SV2C: variants seen among roughly 807,000 people sequenced by gnomAD.
SV2C encodes synaptic vesicle glycoprotein 2C, also known as solute carrier family 22 member B3.
In SV2C, 49 loss-of-function variants were observed where a neutral mutation model predicts 79.7. The observed-to-expected ratio is 0.61, with a 90% CI of 0.49 to 0.78. The LOEUF is 0.78. Among genes scored for constraint, SV2C ranks in the 30% least tolerant of loss-of-function variants. SV2C has a pLI of 0.00. For synonymous variants in SV2C, 334 were observed against 333.2 expected, an observed-to-expected ratio of 1.00 and a Z score of -0.03; for missense variants, 833 against 912.9, an observed-to-expected ratio of 0.91 and a Z score of 1.13.
intron 10 of SV2C, 99 bp downstream of exon 10, chr5:76,299,026 G>T: frequency 4.6e-6 from 6 of 1,309,540 alleles, no homozygotes; most frequent in Non-Finnish European, 6.1e-6. Context: ...TGCGGGAAGT[G>T]GATATTAAAG....
At chr5:75,921,833 A>T in the SV2C span, among the ~76,000 whole-genome samples, 1 of 151,166 alleles carries the variant, frequency 6.6e-6, no homozygotes, top group Non-Finnish European at 1.5e-5. Context: ...TTTTTTTTTT[A>T]AGCCTGTAAA....
chr5:76,314,858 T>C (rs1358248117), intron 12 of SV2C, among the ~76,000 whole-genome samples: 1 of 152,224 alleles, frequency 6.6e-6, no homozygotes, highest in Non-Finnish European at 1.5e-5. Context: ...TTCATGACCT[T>C]GGCCACAGAT....
At chr5:76,207,235 C>T (rs1454509228) in intron 3 of SV2C, among the ~76,000 whole-genome samples, 1 of 151,798 alleles carries the variant, frequency 6.6e-6, no homozygotes, top group Non-Finnish European at 1.5e-5. Flanking sequence ...GAGGGTCTGG[C>T]ATATCCTGAC....
chr5:75,990,572 T>C, the SV2C span, among the ~76,000 whole-genome samples: 1 of 151,958 alleles, frequency 6.6e-6, no homozygotes, highest in Non-Finnish European at 1.5e-5. Context: ...AGTTTATACC[T>C]GGGGTTTCAG....
the SV2C span, among the ~76,000 whole-genome samples, chr5:76,018,373 C>A: frequency 1.3e-5 from 2 of 152,032 alleles, no homozygotes; most frequent in East Asian, 1.9e-4. Context: ...TAATCACGGG[C>A]CTTTGTTTTC....
chr5:76,156,252 T>A (rs559961951), intron 2 of SV2C, among the ~76,000 whole-genome samples: 3 of 152,272 alleles, frequency 2.0e-5, no homozygotes, highest in South Asian at 4.1e-4. Flanking sequence ...TGAAACAGAA[T>A]CTTGCCAAAG....
At chr5:76,211,812 G>C (rs984901746) in intron 4 of SV2C, among the ~76,000 whole-genome samples, 1 of 152,128 alleles carries the variant, frequency 6.6e-6, no homozygotes, top group East Asian at 1.9e-4. Context: ...AACATGCTGA[G>C]TTACAAAATC....
chr5:76,227,951 C>A (rs1745302710), intron 4 of SV2C, among the ~76,000 whole-genome samples: 1 of 152,190 alleles, frequency 6.6e-6, no homozygotes, highest in Non-Finnish European at 1.5e-5. Flanking sequence ...AGCAGAATCG[C>A]AAATAGTTCT....
chr5:76,092,037 T>C lies in SV2C; in HGVS notation c.-102+8525T>C, dbSNP rs569214773. 5.3e-5 allele frequency among the ~76,000 whole-genome samples: 8 copies of C among 152,320 alleles called. No individual in the cohort carries two copies. In the South Asian group the frequency reaches 1.7e-3, roughly 32 times the overall value. On this transcript the variant is annotated intron_variant, in intron 1 of 12. Transcript: ENST00000502798. Reference sequence around the variant, plus strand: ...AATGGAAATATTTTGAAGATGTTGTTAGTTAAAAATATAGCAATTTATGAC... The same window carrying C: ...AATGGAAATATTTTGAAGATGTTGTCAGTTAAAAATATAGCAATTTATGAC...
chr5:76,122,613 C>CTGAA (rs2112165139), intron 1 of SV2C, among the ~76,000 whole-genome samples: 1 of 152,086 alleles, frequency 6.6e-6, no homozygotes, highest in Non-Finnish European at 1.5e-5. Flanking sequence ...CAACCTGCTC[C>CTGAA]TGACTGACTA....
intron 4 of SV2C, among the ~76,000 whole-genome samples, chr5:76,242,933 G>T (rs1745832624): frequency 7.2e-6 from 1 of 138,622 alleles, no homozygotes; most frequent in African/African-American, 2.7e-5. Context: ...AGGATCCCTT[G>T]AGCCTGGGAG....
intron 1 of SV2C, among the ~76,000 whole-genome samples, chr5:76,119,259 G>C (rs576153792): frequency 6.6e-6 from 1 of 152,300 alleles, no homozygotes; most frequent in South Asian, 2.1e-4. Flanking sequence ...GGGTCAAGAT[G>C]GTGGCTGAAG....
chr5:76,064,402 C>T, the SV2C span, among the ~76,000 whole-genome samples: 1 of 152,086 alleles, frequency 6.6e-6, no homozygotes, highest in Non-Finnish European at 1.5e-5. Context: ...CAAGCAAAAG[C>T]AACACAAGAA....
intron 4 of SV2C, 152 bp downstream of exon 4, chr5:76,210,039 T>C: frequency 2.2e-6 from 2 of 919,076 alleles, no homozygotes; most frequent in Non-Finnish European, 3.2e-6. Context: ...TTTTCCCCTC[T>C]GTGTAGAGAT....
At chr5:76,123,795 G>T (rs1025270432) in intron 1 of SV2C, among the ~76,000 whole-genome samples, 2 of 152,166 alleles carry the variant, frequency 1.3e-5, no homozygotes, top group Non-Finnish European at 2.9e-5. Context: ...TACTATGGAA[G>T]ATATGCTCAC....
chr5:76,080,798 C>T (rs964355119), upstream of SV2C, among the ~76,000 whole-genome samples: 6 of 152,106 alleles, frequency 3.9e-5, no homozygotes, highest in African/African-American at 1.4e-4. Context: ...CTTTTCACTC[C>T]ATCCGCTTCT....
the SV2C span, among the ~76,000 whole-genome samples, chr5:75,931,182 G>A: frequency 1.3e-5 from 2 of 152,148 alleles, no homozygotes; most frequent in South Asian, 4.1e-4. Context: ...CCTGTCTTAT[G>A]AGATAGAATC....
At chr5:76,232,651 A>C (rs1417448302) in intron 4 of SV2C, among the ~76,000 whole-genome samples, 5 of 148,136 alleles carry the variant, frequency 3.4e-5, no homozygotes, top group African/African-American at 1.1e-4. Context: ...TCAGCTTTCT[A>C]CATATGGCTA....
the SV2C span, among the ~76,000 whole-genome samples, chr5:75,902,027 C>T: frequency 2.0e-5 from 3 of 152,238 alleles, no homozygotes; most frequent in African/African-American, 7.2e-5. Flanking sequence ...AACTCCCTGA[C>T]CCCTTGCACT....
Sources: allele counts gnomAD v4.1 joint callset (sites outside exome capture counted in the v4.1 genomes callset), GRCh38; gene constraint gnomAD v4.1.1; transcripts MANE v1.5; gene names NCBI Gene and HGNC (gene_info 2026-07-23, HGNC 2026-07-21).